The following ABCG2 variants were observed in gnomAD, a reference collection of about 807,000 sequenced individuals.
The protein encoded by ABCG2 is ATP binding cassette subfamily G member 2 (JR blood group).
A neutral mutation model predicts 73.5 loss-of-function variants in ABCG2; 80 were observed. The observed-to-expected ratio is 1.09, with a 90% CI of 0.91 to 1.31. The LOEUF (loss-of-function observed/expected upper bound fraction) is 1.31, where lower values mean the gene tolerates loss of function less well. Ranked by LOEUF, ABCG2 falls within the 50% of genes most tolerant of loss-of-function variation. The pLI, the probability that ABCG2 is intolerant of heterozygous loss-of-function variation, is 0.00. For missense variants in ABCG2, 796 were observed against 786.2 expected, an observed-to-expected ratio of 1.01 and a Z score of -0.15; for synonymous variants, 269 against 282.4, an observed-to-expected ratio of 0.95 and a Z score of 0.48.
chr4:88,181,688 A>G (rs572644226), intron 1 of ABCG2, among the ~76,000 whole-genome samples: 120 of 152,262 alleles, frequency 7.9e-4, no homozygotes, highest in African/African-American at 2.9e-3. Flanking sequence ...CTGTGATTAC[A>G]CCACTACACT....
intron 1 of ABCG2, among the ~76,000 whole-genome samples, chr4:88,145,205 CA>C (rs1725903879): frequency 6.6e-6 from 1 of 152,144 alleles, no homozygotes; most frequent in Admixed American, 6.5e-5. Context: ...AGGTTAATCT[CA>C]AAAGATAACA....
At chr4:88,110,999 G>A (rs1328412138) in intron 9 of ABCG2, among the ~76,000 whole-genome samples, 3 of 152,192 alleles carry the variant, frequency 2.0e-5, no homozygotes, top group Non-Finnish European at 4.4e-5. Context: ...GTTCACTGAT[G>A]AGGCAGGGAA....
intron 7 of ABCG2, among the ~76,000 whole-genome samples, chr4:88,115,348 A>G (rs1723500826): frequency 6.8e-6 from 1 of 146,028 alleles, no homozygotes; most frequent in Middle Eastern, 3.5e-3. Flanking sequence ...TGGTGGGGCA[A>G]TCTTGGTTCA....
rs1255454291 is a variant in ABCG2, at chr4:88,092,882, A to AAC, written c.1821-502_1821-501insGT. On this transcript the variant is annotated intron_variant, in intron 15 of 15. Transcript: ENST00000237612. Reference sequence around the variant, plus strand: ...CTTTACGCTTACAAATAGCCATAAAAAACAACACAGGTTAAGAATTCCAAA... The same window carrying AAC: ...CTTTACGCTTACAAATAGCCATAAAAACAACAACACAGGTTAAGAATTCCAAA... Among the ~76,000 whole-genome samples the AAC allele has an allele frequency of 3.3e-5, 5 of 152,222 alleles. No homozygotes were observed. In the East Asian group the frequency reaches 9.6e-4, roughly 29 times the overall value.
At chr4:88,140,134 C>G in intron 1 of ABCG2, 120 bp from the exon 2 acceptor site, 3 of 797,276 alleles carry the variant, frequency 3.8e-6, no homozygotes, top group Non-Finnish European at 5.9e-6. Context: ...AGCTTCATTT[C>G]CAATGAATGG....
chr4:88,128,349 T>C (rs1284720986), intron 5 of ABCG2, among the ~76,000 whole-genome samples: 1 of 152,188 alleles, frequency 6.6e-6, no homozygotes, highest in African/African-American at 2.4e-5. Context: ...TCAACCATTG[T>C]GCAAGACAGT....
chr4:88,185,381 A>G, intron 1 of ABCG2, among the ~76,000 whole-genome samples: 1 of 152,186 alleles, frequency 6.6e-6, no homozygotes, highest in Non-Finnish European at 1.5e-5. Context: ...ACAAAACTCA[A>G]ACTATGAATC....
At chr4:88,152,515 GGCGTCACAGGGT>G (rs887701740) in intron 1 of ABCG2, among the ~76,000 whole-genome samples, 1 of 152,130 alleles carries the variant, frequency 6.6e-6, no homozygotes, top group Non-Finnish European at 1.5e-5. Flanking sequence ...GCAGGGGTGG[GGCGTCACAGGGT>G]GCTCAGCGGG....
rs375417108 is a variant in ABCG2, at chr4:88,155,434, G to C, written c.-20+2952C>G. Among the ~76,000 whole-genome samples the C allele has an allele frequency of 2.8e-3, 430 of 152,304 alleles. 2 individuals are homozygous for C. The highest frequency in any genetic ancestry group is 9.7e-3 in the African/African-American group (404 of 41,560). On this transcript the variant is annotated intron_variant, in intron 1 of 15. Transcript: ENST00000237612. ...GGCAGTACAGAGCCAGGATGAGCCA[G>C]AAGGAGGAATTTCACAAGGTAATGT...
chr4:88,182,076 A>T (rs1728276655), intron 1 of ABCG2, among the ~76,000 whole-genome samples: 3 of 152,180 alleles, frequency 2.0e-5, no homozygotes. Flanking sequence ...AAATAAAGAA[A>T]TGGAAAAAGA....
chr4:88,115,682 C>T (rs570315346), intron 7 of ABCG2, among the ~76,000 whole-genome samples: 1 of 151,564 alleles, frequency 6.6e-6, no homozygotes, highest in Non-Finnish European at 1.5e-5. Context: ...ATTTGCAGGG[C>T]ATTTTGCATT....
intron 12 of ABCG2, among the ~76,000 whole-genome samples, chr4:88,098,285 G>A (rs539927853): frequency 2.7e-4 from 41 of 152,144 alleles, no homozygotes; most frequent in Admixed American, 1.0e-3. Context: ...AAACTCAATC[G>A]GTAGTTCTTA....
chr4:88,229,588 A>T (rs1425002477), intron 1 of ABCG2, among the ~76,000 whole-genome samples: 1 of 152,206 alleles, frequency 6.6e-6, no homozygotes, highest in African/African-American at 2.4e-5. Flanking sequence ...TGTGGGAAAG[A>T]TTCTATTTCC....
intron 12 of ABCG2, 142 bp from the exon 13 acceptor site, chr4:88,097,749 T>G: frequency 2.4e-6 from 2 of 829,258 alleles, no homozygotes; most frequent in East Asian, 5.4e-5. Flanking sequence ...CCAACCACCC[T>G]CGGTCTCCAA....
intron 1 of ABCG2, among the ~76,000 whole-genome samples, chr4:88,198,217 C>T (rs1218924848): frequency 2.6e-5 from 4 of 152,004 alleles, no homozygotes; most frequent in Admixed American, 1.3e-4. Flanking sequence ...CCTGTAATCC[C>T]AGCTACTCGG....
At chr4:88,227,167 T>A (rs1338267032) in intron 1 of ABCG2, among the ~76,000 whole-genome samples, 1 of 152,108 alleles carries the variant, frequency 6.6e-6, no homozygotes, top group East Asian at 1.9e-4. Flanking sequence ...ATGAGGCAGA[T>A]GGATCACCTG....
intron 1 of ABCG2, among the ~76,000 whole-genome samples, chr4:88,146,712 T>C (rs891112512): frequency 2.0e-5 from 3 of 151,970 alleles, no homozygotes; most frequent in African/African-American, 7.3e-5. Context: ...TTAATTTTTA[T>C]AGCAAATTTA....
Position 88,132,478 on chromosome 4 carries a change from A to T in ABCG2, c.263+98T>A, listed in dbSNP as rs1416009001. Reference sequence around the variant, plus strand: ...GAACCAGACCTGACATGCGTTGCAAATGCTCAATAAATACCTGCTCGCACA... The same window carrying T: ...GAACCAGACCTGACATGCGTTGCAATTGCTCAATAAATACCTGCTCGCACA... On this transcript the variant is annotated intron_variant, in intron 3 of 15. Transcript: ENST00000237612. The T allele has an allele frequency of 2.3e-6, 3 of 1,301,214 alleles. No homozygotes were observed. In the East Asian group the frequency reaches 6.9e-5, roughly 30 times the overall value. 80.6% of individuals were successfully genotyped at this position (1,301,214 alleles called of 1,614,324 possible). A position where few individuals can be genotyped will look rare whatever the true frequency, so the allele number is the denominator to read the frequency against.
intron 1 of ABCG2, among the ~76,000 whole-genome samples, chr4:88,155,884 G>A (rs1414143589): frequency 6.6e-6 from 1 of 151,954 alleles, no homozygotes; most frequent in Admixed American, 6.6e-5. Context: ...ACTCTGGCCT[G>A]GAGCAAGACT....
Sources: allele counts gnomAD v4.1 joint callset (sites outside exome capture counted in the v4.1 genomes callset), GRCh38; gene constraint gnomAD v4.1.1; transcripts MANE v1.5; gene names NCBI Gene and HGNC (gene_info 2026-07-23, HGNC 2026-07-21).